The following NT5DC2 variants were observed in gnomAD, a reference collection of about 807,000 sequenced individuals.
The protein encoded by NT5DC2 is 5'-nucleotidase domain-containing protein 2.
Under a neutral mutation model 70.0 loss-of-function variants are expected in NT5DC2, and 41 were observed. That is an observed-to-expected ratio of 0.59 (90% CI 0.46 to 0.76). The LOEUF is 0.76. Among genes scored for constraint, NT5DC2 ranks in the 30% least tolerant of loss-of-function variants. The probability of loss-of-function intolerance (pLI) is 0.00; values close to 1 mark genes in which losing one functional copy is unlikely to be tolerated. For synonymous variants in NT5DC2, 299 were observed against 310.4 expected (o/e 0.96, Z 0.39); for missense variants, 705 against 783.2 (o/e 0.90, Z 1.19).
upstream of NT5DC2, chr3:52,534,639 G>T (rs930144762): frequency 1.2e-6 from 2 of 1,612,976 alleles, no homozygotes; most frequent in Non-Finnish European, 1.7e-6. Context: ...GCGCAGAACC[G>T]CTCTCCACTC....
chr3:52,524,996 C>G lies in NT5DC2; in HGVS notation c.1314G>C (p.Gln438His), dbSNP rs17851192. The G allele has an allele frequency of 6.2e-7, 1 of 1,611,246 alleles. No homozygotes were observed. Among genetic ancestry groups the G allele is most frequent in the Admixed American group, 1.7e-5 (1 of 59,862 alleles). The change falls in exon 12 of 14, where the codon CAG becomes CAC. Residue 438 changes from glutamine (Q) to histidine (H), a missense_variant. Physicochemically the swap from Gln to His is conservative, Grantham distance 24. Coordinates refer to ENST00000422318, the MANE Select transcript of NT5DC2 (RefSeq NM_001134231.2). ...GCTCCAGCAGCCCCGTGAGCGCCTG[C>G]TGCCACGTCAGCGAGTGCATGTACT... is the stretch of plus-strand genomic sequence containing the variant. Reference protein sequence around the residue: ...TEQYMHSLTWQQALTGLLERM... With the variant: ...TEQYMHSLTWHQALTGLLERM...
chr3:52,525,175 C>G, intron 11 of NT5DC2, 34 bp downstream of exon 11: 1 of 1,593,754 alleles, frequency 6.3e-7, no homozygotes, highest in Non-Finnish European at 8.6e-7. Flanking sequence ...TTTCCTGGCC[C>G]TCCCCCACTG....
chr3:52,525,531 G>T, intron 10 of NT5DC2: 1 of 552,478 alleles, frequency 1.8e-6, no homozygotes, highest in Non-Finnish European at 3.3e-6. Context: ...CATGCCTCGA[G>T]GGCCTTCTCC....
At chr3:52,530,055 T>C (rs2079339233) in intron 1 of NT5DC2, 1 of 152,830 alleles carries the variant, frequency 6.5e-6, no homozygotes, top group African/African-American at 2.4e-5. Context: ...GCCAGCTCTG[T>C]GCACTTCCCA....
rs1402580128 is a variant in NT5DC2, at chr3:52,533,742, A to ACCGCGCG, written c.-12_-6dup. On this transcript the variant is annotated 5_prime_UTR_variant, in exon 1 of 14. Transcript: ENST00000422318. ...CCGCAGCCCCGCACCCGCCATGCCCACCGCGCGCCGCCCGCCGCCCGCGCT... is the reference window on the plus strand; with the variant it reads ...CCGCAGCCCCGCACCCGCCATGCCCACCGCGCGCCGCGCGCCGCCCGCCGCCCGCGCT... 42 of 975,714 alleles carry ACCGCGCG rather than the reference A, an allele frequency of 4.3e-5. No individual in the cohort carries two copies. Among genetic ancestry groups the ACCGCGCG allele is most frequent in the Non-Finnish European group, 5.0e-5 (41 of 825,008 alleles). 60.4% of individuals were successfully genotyped at this position (975,714 alleles called of 1,614,324 possible).
At chr3:52,534,372 C>G, upstream of NT5DC2, 2 of 1,151,120 alleles carry the variant, frequency 1.7e-6, no homozygotes, top group Non-Finnish European at 2.5e-6. Context: ...ATAAAGAGCC[C>G]TTCCCGCGCT....
chr3:52,529,003 CA>C lies in NT5DC2; in HGVS notation c.418-69del. 6.3e-7 allele frequency: 1 copy of C among 1,596,992 alleles called. No homozygotes were observed. Among genetic ancestry groups the C allele is most frequent in the South Asian group, 1.1e-5 (1 of 90,680 alleles). ...AGACCTGCTGGCTGGGTGGCCACCC[CA>C]GGGGGTCAATCCAGCCACCTGCCCA... On this transcript the variant is annotated intron_variant, in intron 2 of 13. Coordinates refer to ENST00000422318, the MANE Select transcript of NT5DC2 (RefSeq NM_001134231.2). The surrounding 1 kb of genome is among the most constrained non-coding windows in gnomAD (Gnocchi z 4.1).
intron 8 of NT5DC2, 49 bp from the exon 9 acceptor site, chr3:52,527,767 C>A (rs1195361261): frequency 2.5e-6 from 4 of 1,607,430 alleles, no homozygotes; most frequent in Non-Finnish European, 2.6e-6. Context: ...CGGCTCCGTG[C>A]CTGCCCTCCC....
chr3:52,527,254 A>G (rs2153235411), intron 10 of NT5DC2, 40 bp downstream of exon 10: 1 of 1,592,402 alleles, frequency 6.3e-7, no homozygotes, highest in Non-Finnish European at 8.6e-7. Flanking sequence ...GCTAGGCCCC[A>G]TGCCCCCACC....
In NT5DC2 at chr3:52,527,715, G is replaced by C. The variant is rs1293504429; in HGVS notation, c.939C>G (p.Asp313Glu). The C allele has an allele frequency of 6.2e-7, 1 of 1,613,268 alleles. No individual in the cohort carries two copies. The highest frequency in any genetic ancestry group is 8.5e-7 in the Non-Finnish European group (1 of 1,180,020). ...LITNSPFSFVDKGMRHMVGPD... is the reference protein window; with the variant it reads ...LITNSPFSFVEKGMRHMVGPD... ...GACCCACCATGTGCCGCATCCCCTT[G>C]TCTCTGTGTGGAGGAGTTTCAGGTG... Residue 313 changes from aspartate to glutamate, a missense_variant, in exon 9 of 14, where the codon GAC becomes GAG. Physicochemically the swap from Asp to Glu is conservative, Grantham distance 45 (BLOSUM62 2). Coordinates refer to ENST00000422318, the MANE Select transcript of NT5DC2 (RefSeq NM_001134231.2).
chr3:52,533,908 G>A (rs1449898392), upstream of NT5DC2: 4 of 871,544 alleles, frequency 4.6e-6, no homozygotes, highest in African/African-American at 1.8e-5. Context: ...CCTCGGCCCG[G>A]GGGGCGGGAG....
chr3:52,530,197 A>G (rs922916949), intron 1 of NT5DC2, among the ~76,000 whole-genome samples: 1 of 152,200 alleles, frequency 6.6e-6, no homozygotes, highest in Non-Finnish European at 1.5e-5. Context: ...GTTCTGGGCC[A>G]TTATCCAGGT....
chr3:52,525,510 G>C (rs2079247035), intron 10 of NT5DC2: 1 of 582,762 alleles, frequency 1.7e-6, no homozygotes, highest in African/African-American at 1.9e-5. Context: ...CTACAGGCCT[G>C]GCATGGTGCC....
intron 1 of NT5DC2, among the ~76,000 whole-genome samples, chr3:52,530,251 C>T (rs1021747593): frequency 1.2e-4 from 18 of 152,242 alleles, no homozygotes; most frequent in Middle Eastern, 6.3e-3. Flanking sequence ...AAGTCCCTGG[C>T]TGCTCCCAGG....
chr3:52,533,538 G>A lies in NT5DC2; in HGVS notation c.200C>T (p.Ala67Val), dbSNP rs1235312622. 46 of 1,415,620 alleles carry A rather than the reference G, an allele frequency of 3.2e-5. 1 individual carries two copies. Among genetic ancestry groups the A allele is most frequent in the South Asian group, 2.2e-4 (15 of 68,984 alleles). 87.7% of individuals were successfully genotyped at this position (1,415,620 alleles called of 1,614,324 possible). A position where few individuals can be genotyped will look rare whatever the true frequency, so the allele number is the denominator to read the frequency against. ...CAGTCTCCGCATGTCCTGGTAGCGA[G>A]CCCATAGGTGCGCGCTGAGGTCGGC... ...SGADLSAHLW[A>V]RYQDMRRLVH... The change falls in exon 1 of 14, where the codon GCT becomes GTT. Residue 67 changes from alanine (A) to valine (V), a missense_variant. Physicochemically the swap from Ala to Val is moderately conservative, Grantham distance 64 (BLOSUM62 0). Coordinates refer to ENST00000422318, the MANE Select transcript of NT5DC2 (RefSeq NM_001134231.2).
chr3:52,533,776 C>T lies in NT5DC2; in HGVS notation c.-39G>A. On this transcript the variant is annotated 5_prime_UTR_variant, in exon 1 of 14. Transcript: ENST00000422318. ...CGCCCGCCGCCCGCGCTGCCCTCGG[C>T]CAGCCCGCCGCCCGCCGCCCGCCGC... is the stretch of plus-strand genomic sequence containing the variant. 5.1e-6 allele frequency: 5 copies of T among 971,572 alleles called. No individual in the cohort carries two copies. Among genetic ancestry groups the T allele is most frequent in the Non-Finnish European group, 6.1e-6 (5 of 825,914 alleles). 60.2% of individuals were successfully genotyped at this position (971,572 alleles called of 1,614,324 possible).
rs756311790 is a variant in NT5DC2 at position 52,528,867 on chromosome 3, A to G, written c.486T>C (p.Ile162=). Residue 162 remains isoleucine, a synonymous_variant, in exon 3 of 14, where the codon ATT becomes ATC. Coordinates refer to ENST00000422318, the MANE Select transcript of NT5DC2 (RefSeq NM_001134231.2). ...SFAIRGLHYD[I]QKSLLMKIDA... ...TACAGGTCCAGCCACTCACCTTCTGAATGTCATAGTGGAGGCCACGGATGG... is the reference window on the plus strand; with the variant it reads ...TACAGGTCCAGCCACTCACCTTCTGGATGTCATAGTGGAGGCCACGGATGG... 1 of 1,614,040 alleles carries G rather than the reference A, an allele frequency of 6.2e-7. No homozygotes were observed. Among genetic ancestry groups the G allele is most frequent in the Non-Finnish European group, 8.5e-7 (1 of 1,179,974 alleles).
intron 1 of NT5DC2, among the ~76,000 whole-genome samples, chr3:52,532,933 G>A (rs1216177907): frequency 6.6e-6 from 1 of 152,150 alleles, no homozygotes; most frequent in Non-Finnish European, 1.5e-5. Context: ...GAGGTTAAGT[G>A]CCCTTTGCAG....
In NT5DC2 at chr3:52,533,781, C is replaced by G; in HGVS notation, c.-44G>C. ...GCCGCCCGCGCTGCCCTCGGCCAGC[C>G]CGCCGCCCGCCGCCCGCCGCCCTCC... On this transcript the variant is annotated 5_prime_UTR_variant, in exon 1 of 14. Coordinates refer to ENST00000422318, the MANE Select transcript of NT5DC2 (RefSeq NM_001134231.2). 1.1e-6 allele frequency: 1 copy of G among 933,262 alleles called. No homozygotes were observed. Among genetic ancestry groups the G allele is most frequent in the African/African-American group, 1.8e-5 (1 of 54,120 alleles). The allele number at this position is 933,262 out of a possible 1,614,324, so 57.8% of individuals were successfully genotyped here. A position where few individuals can be genotyped will look rare whatever the true frequency, so the allele number is the denominator to read the frequency against.
Sources: gnomAD v4.1 joint callset for allele counts (sites outside exome capture counted in the v4.1 genomes callset) on GRCh38, gnomAD v4.1.1 for gene constraint, Gnocchi (gnomAD v3.1) non-coding constraint, MANE v1.5 for transcripts, NCBI Gene and HGNC (gene_info 2026-07-23, HGNC 2026-07-21) for gene names.